Variants in TMEM132B observed in about 807,000 individuals in gnomAD.
TMEM132B encodes the protein transmembrane protein 132B.
TMEM132B carries 18 observed loss-of-function variants against 90.8 expected under a neutral mutation model. That is an observed-to-expected ratio of 0.20 (90% CI 0.14 to 0.29). The LOEUF is 0.29. Ranked by LOEUF, TMEM132B falls within the 10% of genes least tolerant of loss-of-function variation. The pLI, the probability that TMEM132B is intolerant of heterozygous loss-of-function variation, is 1.00. For synonymous variants in TMEM132B, 504 were observed against 523.3 expected, an observed-to-expected ratio of 0.96 and a Z score of 0.50; for missense variants, 1,096 against 1,326.8, an observed-to-expected ratio of 0.83 and a Z score of 2.70.
intron 5 of TMEM132B, chr12:125,588,068 T>G (rs10846926): frequency 0.53 from 80,550 of 151,966 alleles, 24,195 homozygotes; most frequent in Middle Eastern, 0.74. Flanking sequence ...AGAATGGAAG[T>G]TGAAAGGTAC....
At chr12:125,215,155 C>T (rs187050072) in intron 1 of TMEM132B, among the ~76,000 whole-genome samples, 21 of 152,356 alleles carry the variant, frequency 1.4e-4, no homozygotes, top group Admixed American at 3.9e-4. Flanking sequence ...TCTCTTCCTT[C>T]GAACCATCAT....
intron 1 of TMEM132B, among the ~76,000 whole-genome samples, chr12:125,204,992 T>C (rs1176345121): frequency 1.1e-4 from 10 of 88,422 alleles, no homozygotes; most frequent in African/African-American, 1.4e-4. Flanking sequence ...TGTGCTTAGC[T>C]CTTTATGTGG....
chr12:125,548,588 A>G (rs2136751862), intron 4 of TMEM132B, among the ~76,000 whole-genome samples: 1 of 152,360 alleles, frequency 6.6e-6, no homozygotes, highest in East Asian at 1.9e-4. Context: ...GTATTCCAGG[A>G]ACAGGCGAAA....
At chr12:125,636,281 G>A (rs941629367) in intron 5 of TMEM132B, among the ~76,000 whole-genome samples, 7 of 152,016 alleles carry the variant, frequency 4.6e-5, no homozygotes, top group East Asian at 1.9e-4. Context: ...GTGCACCATC[G>A]GCTTGAAATT....
chr12:125,338,489 T>C (rs1367271428), intron 1 of TMEM132B, among the ~76,000 whole-genome samples: 5 of 152,124 alleles, frequency 3.3e-5, no homozygotes, highest in Admixed American at 6.5e-5. Context: ...AGCATTCTGG[T>C]TTTTCCTGAG....
chr12:125,630,185 T>A (rs1886329091), intron 5 of TMEM132B, among the ~76,000 whole-genome samples: 1 of 152,122 alleles, frequency 6.6e-6, no homozygotes, highest in South Asian at 2.1e-4. Context: ...TCCTCCTCTG[T>A]TTTTTGGAAT....
chr12:125,652,043 T>C (rs1231262115), intron 7 of TMEM132B, among the ~76,000 whole-genome samples: 2 of 152,222 alleles, frequency 1.3e-5, no homozygotes, highest in South Asian at 4.1e-4. Context: ...TGTGATTACA[T>C]TGGGTCCACC....
chr12:125,240,912 A>G (rs1395488842), intron 1 of TMEM132B, among the ~76,000 whole-genome samples: 1 of 152,184 alleles, frequency 6.6e-6, no homozygotes, highest in African/African-American at 2.4e-5. Context: ...TGCTCAATGC[A>G]CATTTGTTGA....
chr12:125,411,372 GGGC>G (rs1184802277), intron 2 of TMEM132B, among the ~76,000 whole-genome samples: 1 of 138,818 alleles, frequency 7.2e-6, no homozygotes, highest in African/African-American at 2.6e-5. Flanking sequence ...GGGTGGGGGG[GGGC>G]CTAGGGGAGG....
At chr12:125,343,151 C>A (rs183253347) in intron 1 of TMEM132B, among the ~76,000 whole-genome samples, 1 of 152,186 alleles carries the variant, frequency 6.6e-6, no homozygotes, top group Non-Finnish European at 1.5e-5. Context: ...AATCCAAGAG[C>A]ATTTGGCCCA....
At chr12:125,385,136 G>A (rs1411426404) in intron 2 of TMEM132B, among the ~76,000 whole-genome samples, 1 of 152,146 alleles carries the variant, frequency 6.6e-6, no homozygotes, top group Non-Finnish European at 1.5e-5. Flanking sequence ...TTAATGCTGG[G>A]CATTTAAAAC....
intron 3 of TMEM132B, among the ~76,000 whole-genome samples, chr12:125,463,122 C>G (rs147685569): frequency 6.6e-6 from 1 of 152,348 alleles, no homozygotes; most frequent in East Asian, 1.9e-4. Context: ...CAGTACTTCT[C>G]TTGAGCTGAA....
At chr12:125,648,637 A>G (rs1384170663) in intron 6 of TMEM132B, among the ~76,000 whole-genome samples, 3 of 152,150 alleles carry the variant, frequency 2.0e-5, no homozygotes, top group Admixed American at 2.0e-4. Context: ...TCTATCCTAA[A>G]ATAACAGGAT....
At chr12:125,605,150 T>C (rs138388674) in intron 5 of TMEM132B, among the ~76,000 whole-genome samples, 135 of 152,358 alleles carry the variant, frequency 8.9e-4, no homozygotes, top group African/African-American at 3.0e-3. Flanking sequence ...CACTTAATTA[T>C]ATCAACACAG....
chr12:125,557,109 C>T (rs769542360), intron 4 of TMEM132B, among the ~76,000 whole-genome samples: 1 of 152,176 alleles, frequency 6.6e-6, no homozygotes, highest in Non-Finnish European at 1.5e-5. Context: ...CACACTTACT[C>T]CCATATTTAG....
chr12:125,576,199 C>A lies in TMEM132B; in HGVS notation c.1294-7652C>A, dbSNP rs1187371577. On this transcript the variant is annotated intron_variant, in intron 4 of 8. Coordinates refer to ENST00000682704, the MANE Select transcript of TMEM132B (RefSeq NM_001366854.1). ...ACATTTAAGTTTAACCAACTACTTT[C>A]ATTAAACTTATTTCCAAGTAATGTA... Among the ~76,000 whole-genome samples the A allele has an allele frequency of 3.3e-5, 5 of 152,038 alleles. 1 individual carries two copies. In the East Asian group the frequency reaches 9.6e-4, roughly 29 times the overall value.
At chr12:125,250,391 C>T (rs921548901) in intron 1 of TMEM132B, among the ~76,000 whole-genome samples, 1 of 152,232 alleles carries the variant, frequency 6.6e-6, no homozygotes, top group Non-Finnish European at 1.5e-5. Context: ...CATATCAGGC[C>T]TTCTCCAGAT....
intron 3 of TMEM132B, among the ~76,000 whole-genome samples, chr12:125,515,555 AGTCT>A (rs1406266830): frequency 6.1e-4 from 93 of 151,406 alleles, no homozygotes; most frequent in East Asian, 3.9e-3. Flanking sequence ...ACATTCATTC[AGTCT>A]GTCTCCCACA....
chr12:125,545,504 T>C (rs1884066458), intron 4 of TMEM132B, among the ~76,000 whole-genome samples: 1 of 152,204 alleles, frequency 6.6e-6, no homozygotes, highest in South Asian at 2.1e-4. Context: ...TGATATTCCT[T>C]TGGGGAAATG....
Sources: allele counts gnomAD v4.1 joint callset (sites outside exome capture counted in the v4.1 genomes callset), GRCh38; gene constraint gnomAD v4.1.1; transcripts MANE v1.5; gene names NCBI Gene and HGNC (gene_info 2026-07-23, HGNC 2026-07-21).